Variants in GPC6 observed in about 807,000 individuals in gnomAD.
The protein encoded by GPC6 is glypican-6.
GPC6 carries 14 observed loss-of-function variants against 55.2 expected under a neutral mutation model. That is an observed-to-expected ratio of 0.25 (90% confidence interval 0.17 to 0.40). The LOEUF (loss-of-function observed/expected upper bound fraction) is 0.40, where lower values mean the gene tolerates loss of function less well. Among genes scored for constraint, GPC6 ranks in the 10% least tolerant of loss-of-function variants. The probability of loss-of-function intolerance (pLI) is 1.00; values close to 1 mark genes in which losing one functional copy is unlikely to be tolerated. For synonymous variants in GPC6, 278 were observed against 259.6 expected (o/e 1.07, Z -0.68); for missense variants, 641 against 708.5 (o/e 0.90, Z 1.08).
intron 3 of GPC6, among the ~76,000 whole-genome samples, chr13:94,010,072 A>C (rs1300285950): frequency 6.6e-6 from 1 of 152,184 alleles, no homozygotes; most frequent in Non-Finnish European, 1.5e-5. Context: ...GCCTGCAAAA[A>C]CAAACCCAAA....
chr13:94,199,177 C>G (rs564835806), intron 4 of GPC6, among the ~76,000 whole-genome samples: 11 of 152,338 alleles, frequency 7.2e-5, no homozygotes, highest in African/African-American at 2.4e-4. Context: ...AAGAACTTTA[C>G]TAGGCCTAAT....
chr13:93,369,545 T>G (rs1881377906), intron 1 of GPC6, among the ~76,000 whole-genome samples: 1 of 152,132 alleles, frequency 6.6e-6, no homozygotes, highest in African/African-American at 2.4e-5. Flanking sequence ...TCTATTATTT[T>G]TATTACAATA....
intron 1 of GPC6, among the ~76,000 whole-genome samples, chr13:93,420,686 G>A (rs1327835078): frequency 6.6e-6 from 1 of 152,136 alleles, no homozygotes; most frequent in Non-Finnish European, 1.5e-5. Context: ...AAACAGGAGA[G>A]ACCTTTGCAG....
chr13:93,273,625 T>G, intron 1 of GPC6, among the ~76,000 whole-genome samples: 1 of 151,960 alleles, frequency 6.6e-6, no homozygotes, highest in East Asian at 2.0e-4. Context: ...GCCACTGCAC[T>G]CCAGCCTGGG....
At chr13:93,241,276 G>A (rs1294821893) in intron 1 of GPC6, among the ~76,000 whole-genome samples, 1 of 152,164 alleles carries the variant, frequency 6.6e-6, no homozygotes, top group African/African-American at 2.4e-5. Context: ...GAATACCTAT[G>A]ATTATAGGGT....
At chr13:94,018,832 C>A (rs1882588468) in intron 3 of GPC6, among the ~76,000 whole-genome samples, 1 of 152,034 alleles carries the variant, frequency 6.6e-6, no homozygotes. Flanking sequence ...GGAGTGTGGA[C>A]CCTATTGTGA....
At chr13:94,130,027 C>T (rs1405085582) in intron 4 of GPC6, among the ~76,000 whole-genome samples, 1 of 151,922 alleles carries the variant, frequency 6.6e-6, no homozygotes, top group Non-Finnish European at 1.5e-5. Flanking sequence ...TATGAAAGTT[C>T]TGTTTCGTGA....
intron 3 of GPC6, among the ~76,000 whole-genome samples, chr13:93,964,134 A>G (rs1020425290): frequency 2.6e-5 from 4 of 152,200 alleles, no homozygotes; most frequent in African/African-American, 4.8e-5. Context: ...TCTACTAGAA[A>G]GACTTTTAGA....
At chr13:94,103,176 G>T (rs1885930317) in intron 4 of GPC6, among the ~76,000 whole-genome samples, 1 of 152,078 alleles carries the variant, frequency 6.6e-6, no homozygotes, top group Admixed American at 6.6e-5. Flanking sequence ...TGAGAATGAT[G>T]GTTTCCAGCT....
At chr13:93,346,512 C>G (rs192171155) in intron 1 of GPC6, among the ~76,000 whole-genome samples, 4 of 152,262 alleles carry the variant, frequency 2.6e-5, no homozygotes, top group African/African-American at 9.6e-5. Context: ...CCATGGGTGA[C>G]AGTTTCCCTG....
At chr13:94,358,251 C>A (rs536065557) in intron 6 of GPC6, among the ~76,000 whole-genome samples, 1 of 147,484 alleles carries the variant, frequency 6.8e-6, no homozygotes, top group East Asian at 2.0e-4. Context: ...ATAGTGCCAC[C>A]GCACTCCAGC....
chr13:93,332,280 G>A (rs9561312), intron 1 of GPC6, among the ~76,000 whole-genome samples: 42,111 of 142,026 alleles, frequency 0.3, 7,019 homozygotes, highest in East Asian at 0.55. Context: ...TTTTTTTTGC[G>A]AAACCTCTGT....
intron 2 of GPC6, among the ~76,000 whole-genome samples, chr13:93,629,352 A>G (rs1879336574): frequency 1.3e-5 from 2 of 152,074 alleles, no homozygotes; most frequent in Admixed American, 1.3e-4. Context: ...TACATTTTTG[A>G]ATGATTATAC....
At chr13:94,071,369 C>A (rs748794283) in intron 4 of GPC6, among the ~76,000 whole-genome samples, 4 of 152,132 alleles carry the variant, frequency 2.6e-5, no homozygotes, top group Non-Finnish European at 5.9e-5. Flanking sequence ...TTATAATGAA[C>A]AATCAGAGGA....
In GPC6 at chr13:93,830,230, C is replaced by T; in HGVS notation, c.396C>T (p.Tyr132=). Residue 132 remains tyrosine, a synonymous_variant, in exon 3 of 9, where the codon TAC becomes TAT. Coordinates refer to ENST00000377047, the MANE Select transcript of GPC6 (RefSeq NM_005708.5). ...TTGTACGGACCTATGGCATGCTGTACATGCAGAATTCAGAAGTCTTCCAGG... is the reference window on the plus strand; with the variant it reads ...TTGTACGGACCTATGGCATGCTGTATATGCAGAATTCAGAAGTCTTCCAGG... ...DMFVRTYGML[Y]MQNSEVFQDL... is the part of the protein sequence containing the mutation. 6.2e-7 allele frequency: 1 copy of T among 1,608,794 alleles called. No individual in the cohort carries two copies. Among genetic ancestry groups the T allele is most frequent in the South Asian group, 1.1e-5 (1 of 90,702 alleles).
At chr13:93,745,195 T>C (rs769045266) in intron 2 of GPC6, among the ~76,000 whole-genome samples, 2 of 152,082 alleles carry the variant, frequency 1.3e-5, no homozygotes, top group Non-Finnish European at 2.9e-5. Context: ...TTACCTGACT[T>C]CCTTTGTTTG....
At chr13:93,579,748 G>A (rs1184144248) in intron 2 of GPC6, among the ~76,000 whole-genome samples, 1 of 151,984 alleles carries the variant, frequency 6.6e-6, no homozygotes, top group Non-Finnish European at 1.5e-5. Flanking sequence ...AATTGTTTAG[G>A]ACTCATAAGA....
At chr13:94,045,784 T>G (rs1883711338) in intron 4 of GPC6, among the ~76,000 whole-genome samples, 1 of 151,214 alleles carries the variant, frequency 6.6e-6, no homozygotes, top group Non-Finnish European at 1.5e-5. Context: ...ACACACACTC[T>G]CTACCATTGC....
chr13:94,234,354 C>G (rs1890813817), intron 4 of GPC6, among the ~76,000 whole-genome samples: 1 of 152,004 alleles, frequency 6.6e-6, no homozygotes, highest in South Asian at 2.1e-4. Context: ...ACTAGGGTAT[C>G]AATAGGCACA....
Sources: gnomAD v4.1 joint callset for allele counts (sites outside exome capture counted in the v4.1 genomes callset) on GRCh38, gnomAD v4.1.1 for gene constraint, MANE v1.5 for transcripts, NCBI Gene and HGNC (gene_info 2026-07-23, HGNC 2026-07-21) for gene names.